Variants in SPIDR observed in about 807,000 individuals in gnomAD.
SPIDR encodes the protein DNA repair-scaffolding protein.
In SPIDR, 93 loss-of-function variants were observed where a neutral mutation model predicts 104.6. That is an observed-to-expected ratio of 0.89 (90% CI 0.75 to 1.06). SPIDR has a LOEUF of 1.06. Among genes scored for constraint, SPIDR ranks in the 50% least tolerant of loss-of-function variants. The pLI is 0.00. For synonymous variants in SPIDR, 431 were observed against 416.9 expected, an observed-to-expected ratio of 1.03 and a Z score of -0.41; for missense variants, 1,154 against 1,111.2, an observed-to-expected ratio of 1.04 and a Z score of -0.55.
At chr8:47,626,433 C>T (rs1449171873) in intron 10 of SPIDR, among the ~76,000 whole-genome samples, 5 of 152,136 alleles carry the variant, frequency 3.3e-5, no homozygotes, top group African/African-American at 4.8e-5. Flanking sequence ...AAAGAAACTA[C>T]CATCAGAGTG....
chr8:47,608,892 T>A (rs911803788), intron 10 of SPIDR, among the ~76,000 whole-genome samples: 2 of 152,200 alleles, frequency 1.3e-5, no homozygotes, highest in African/African-American at 4.8e-5. Context: ...CACGCCCAGC[T>A]AATTTTTTGT....
chr8:47,679,968 A>C (rs1020786866), intron 11 of SPIDR, among the ~76,000 whole-genome samples: 2 of 152,206 alleles, frequency 1.3e-5, no homozygotes, highest in African/African-American at 4.8e-5. Context: ...GCAAGATTTA[A>C]ATGTGTGTTT....
intron 6 of SPIDR, among the ~76,000 whole-genome samples, chr8:47,407,548 T>C (rs2062926599): frequency 6.6e-6 from 1 of 152,184 alleles, no homozygotes; most frequent in Non-Finnish European, 1.5e-5. Context: ...GTTTTAGGAT[T>C]GAATAAATGA....
At chr8:47,401,302 A>G (rs1276470876) in intron 6 of SPIDR, among the ~76,000 whole-genome samples, 1 of 152,248 alleles carries the variant, frequency 6.6e-6, no homozygotes, top group Non-Finnish European at 1.5e-5. Context: ...TGTCACCACC[A>G]GACCTGCCTT....
chr8:47,596,781 A>C (rs1021841193), intron 9 of SPIDR, among the ~76,000 whole-genome samples: 1 of 152,096 alleles, frequency 6.6e-6, no homozygotes, highest in African/African-American at 2.4e-5. Flanking sequence ...ACACAAATAC[A>C]TTGTACAGCT....
chr8:47,556,617 A>C (rs2091355642), intron 8 of SPIDR, among the ~76,000 whole-genome samples: 1 of 152,086 alleles, frequency 6.6e-6, no homozygotes, highest in African/African-American at 2.4e-5. Flanking sequence ...TTTTTTATAG[A>C]GATGGGGTCT....
rs181104004 is a variant in SPIDR, at chr8:47,702,593, G to A, written c.1977+578G>A. ...ATCAACTAGGAGTAGAGGAGGGAAG[G>A]AGACCTGCTTGCCAGTTTGAATGCA... On this transcript the variant is annotated intron_variant, in intron 14 of 19. Coordinates refer to ENST00000297423, the MANE Select transcript of SPIDR (RefSeq NM_001080394.4). 6.6e-5 allele frequency among the ~76,000 whole-genome samples: 10 copies of A among 152,292 alleles called. No individual in the cohort carries two copies. In the East Asian group the frequency reaches 1.9e-3, roughly 29 times the overall value.
intron 8 of SPIDR, among the ~76,000 whole-genome samples, chr8:47,502,861 A>C (rs1299777555): frequency 6.6e-6 from 1 of 152,224 alleles, no homozygotes; most frequent in Non-Finnish European, 1.5e-5. Flanking sequence ...GGTTTCAAAG[A>C]ACATCTTTAT....
At chr8:47,636,220 T>C (rs1216274189) in intron 10 of SPIDR, among the ~76,000 whole-genome samples, 1 of 152,234 alleles carries the variant, frequency 6.6e-6, no homozygotes, top group Non-Finnish European at 1.5e-5. Flanking sequence ...GGTATTGTAA[T>C]TGTTTCAGGA....
intron 11 of SPIDR, among the ~76,000 whole-genome samples, chr8:47,689,002 G>A (rs1445266576): frequency 6.6e-6 from 1 of 152,204 alleles, no homozygotes; most frequent in African/African-American, 2.4e-5. Context: ...TTGATGAAGT[G>A]CTGTTCAAGT....
intron 8 of SPIDR, among the ~76,000 whole-genome samples, chr8:47,465,991 A>G (rs7825148): frequency 0.68 from 104,011 of 151,934 alleles, 36,197 homozygotes; most frequent in East Asian, 0.82. Context: ...AAATATATAT[A>G]CACCCAACAC....
intron 5 of SPIDR, among the ~76,000 whole-genome samples, chr8:47,296,714 G>A (rs2040904869): frequency 1.3e-5 from 2 of 152,030 alleles, no homozygotes; most frequent in Non-Finnish European, 2.9e-5. Flanking sequence ...TGTTCTTTTC[G>A]CTTTGGCCAT....
chr8:47,689,148 C>A (rs532423331), intron 11 of SPIDR, among the ~76,000 whole-genome samples: 1 of 152,160 alleles, frequency 6.6e-6, no homozygotes, highest in Non-Finnish European at 1.5e-5. Context: ...GGAGGGGGAG[C>A]GGATAGCATT....
chr8:47,335,050 G>A (rs1554607752), intron 5 of SPIDR, among the ~76,000 whole-genome samples: 3 of 151,920 alleles, frequency 2.0e-5, no homozygotes, highest in African/African-American at 7.3e-5. Flanking sequence ...TTCTGTTCCT[G>A]GCATTCATTT....
At chr8:47,265,612 T>G (rs1487125027) in intron 1 of SPIDR, among the ~76,000 whole-genome samples, 3 of 152,152 alleles carry the variant, frequency 2.0e-5, no homozygotes, top group Non-Finnish European at 4.4e-5. Flanking sequence ...TGTTTTCTTT[T>G]TAGTCAAAAT....
intron 8 of SPIDR, among the ~76,000 whole-genome samples, chr8:47,504,214 A>G (rs938636661): frequency 2.6e-5 from 4 of 152,146 alleles, no homozygotes; most frequent in African/African-American, 7.2e-5. Context: ...CTCCTGGATA[A>G]TATCCTGCAG....
At chr8:47,718,284 C>A (rs2082863964) in intron 16 of SPIDR, among the ~76,000 whole-genome samples, 1 of 152,176 alleles carries the variant, frequency 6.6e-6, no homozygotes, top group Non-Finnish European at 1.5e-5. Context: ...AATGCTGTTC[C>A]CAACTAAAAG....
chr8:47,534,926 A>T (rs1378887722), intron 8 of SPIDR, among the ~76,000 whole-genome samples: 1 of 152,180 alleles, frequency 6.6e-6, no homozygotes, highest in African/African-American at 2.4e-5. Context: ...AGGAAAAAAG[A>T]CAGAAATTAC....
chr8:47,717,863 C>T (rs915393327), intron 16 of SPIDR, among the ~76,000 whole-genome samples: 3 of 152,194 alleles, frequency 2.0e-5, no homozygotes, highest in African/African-American at 4.8e-5. Context: ...TTCTTAAGCA[C>T]CTAACCACTG....
Sources: gnomAD v4.1 joint callset for allele counts (sites outside exome capture counted in the v4.1 genomes callset) on GRCh38, gnomAD v4.1.1 for gene constraint, MANE v1.5 for transcripts, NCBI Gene and HGNC (gene_info 2026-07-23, HGNC 2026-07-21) for gene names.